Variants in ADGRL3 observed in about 807,000 individuals in gnomAD.
The protein encoded by ADGRL3 is calcium-independent alpha-latrotoxin receptor 3.
A neutral mutation model predicts 153.5 loss-of-function variants in ADGRL3; 62 were observed. That is an observed-to-expected ratio of 0.40 (90% CI 0.33 to 0.50). The LOEUF (loss-of-function observed/expected upper bound fraction) is 0.50. ADGRL3 is among the 20% of genes least tolerant of loss of function. The pLI, the probability that ADGRL3 is intolerant of heterozygous loss-of-function variation, is 0.47. For missense variants in ADGRL3, 1,641 were observed against 1,859.4 expected (o/e 0.88, Z 2.16); for synonymous variants, 710 against 672.5 (o/e 1.06, Z -0.86).
chr4:61,374,072 T>C (rs2096574037), intron 1 of ADGRL3, among the ~76,000 whole-genome samples: 1 of 152,180 alleles, frequency 6.6e-6, no homozygotes, highest in African/African-American at 2.4e-5. Flanking sequence ...TTATTATGAC[T>C]AGCTTGAATC....
intron 4 of ADGRL3, among the ~76,000 whole-genome samples, chr4:61,566,904 G>A (rs897595834): frequency 4.6e-5 from 7 of 151,918 alleles, no homozygotes; most frequent in Admixed American, 6.6e-5. Context: ...CTTATATAAC[G>A]TAGAATTACC....
chr4:61,229,633 T>G (rs1431722826), intron 1 of ADGRL3, among the ~76,000 whole-genome samples: 1 of 152,066 alleles, frequency 6.6e-6, no homozygotes, highest in African/African-American at 2.4e-5. Context: ...AGTCAAAACT[T>G]TAGGCTGGGC....
chr4:61,204,862 C>A (rs137968960), intron 1 of ADGRL3, among the ~76,000 whole-genome samples: 5 of 152,024 alleles, frequency 3.3e-5, no homozygotes, highest in African/African-American at 1.2e-4. Context: ...TTTTTGGTTG[C>A]TTGGTGTGAT....
intron 1 of ADGRL3, among the ~76,000 whole-genome samples, chr4:61,343,197 A>G (rs770882714): frequency 2.0e-5 from 3 of 152,214 alleles, no homozygotes; most frequent in Non-Finnish European, 2.9e-5. Flanking sequence ...GGACACAGCC[A>G]AACCATATTA....
At chr4:61,765,179 A>G (rs7665901) in intron 8 of ADGRL3, among the ~76,000 whole-genome samples, 89,110 of 151,480 alleles carry the variant, frequency 0.59, 28,505 homozygotes, top group African/African-American at 0.83. Context: ...AGTGTAAACC[A>G]GCAGTGTAAA....
chr4:61,658,369 A>T (rs532205705), intron 5 of ADGRL3, among the ~76,000 whole-genome samples: 1 of 152,222 alleles, frequency 6.6e-6, no homozygotes, highest in South Asian at 2.1e-4. Context: ...ATATTCTGTG[A>T]TTCCATATAA....
chr4:61,731,594 G>A (rs960408588), intron 7 of ADGRL3, among the ~76,000 whole-genome samples: 7 of 152,200 alleles, frequency 4.6e-5, no homozygotes, highest in African/African-American at 1.7e-4. Context: ...TGATAAAGGT[G>A]CCATGATCCA....
chr4:61,896,451 C>G (rs1379742544), intron 11 of ADGRL3, among the ~76,000 whole-genome samples: 1 of 152,112 alleles, frequency 6.6e-6, no homozygotes, highest in African/African-American at 2.4e-5. Flanking sequence ...GATTTATGCA[C>G]TCCTAAAATG....
At chr4:61,228,604 A>C (rs906903820) in intron 1 of ADGRL3, among the ~76,000 whole-genome samples, 1 of 152,168 alleles carries the variant, frequency 6.6e-6, no homozygotes, top group Admixed American at 6.5e-5. Flanking sequence ...GACAGATGAA[A>C]ATTTGGATTA....
intron 4 of ADGRL3, among the ~76,000 whole-genome samples, chr4:61,559,346 T>C (rs574102430): frequency 1.3e-5 from 2 of 152,274 alleles, no homozygotes; most frequent in East Asian, 3.9e-4. Context: ...TTCCATTTAA[T>C]TTTTGTGGAT....
intron 5 of ADGRL3, among the ~76,000 whole-genome samples, chr4:61,663,614 T>A (rs1415500187): frequency 6.6e-6 from 1 of 152,146 alleles, no homozygotes. Context: ...GTGGGAGGAA[T>A]GAGCCCAGCA....
chr4:61,244,300 G>A (rs558591786), intron 1 of ADGRL3, among the ~76,000 whole-genome samples: 54 of 151,900 alleles, frequency 3.6e-4, no homozygotes, highest in Non-Finnish European at 6.2e-4. Context: ...TTATAAAAAT[G>A]TTTCAATGAT....
At chr4:61,481,630 G>A (rs1203859150) in intron 2 of ADGRL3, among the ~76,000 whole-genome samples, 4 of 151,052 alleles carry the variant, frequency 2.6e-5, no homozygotes, top group South Asian at 2.1e-4. Context: ...TTTTTTTGTC[G>A]AGACCACATG....
chr4:61,621,260 A>G (rs2092490090), intron 5 of ADGRL3, among the ~76,000 whole-genome samples: 1 of 151,900 alleles, frequency 6.6e-6, no homozygotes, highest in South Asian at 2.1e-4. Flanking sequence ...AGTAACATTG[A>G]TGGATTGAGG....
At chr4:62,066,693 A>G (rs1176211762) in intron 25 of ADGRL3, among the ~76,000 whole-genome samples, 2 of 152,126 alleles carry the variant, frequency 1.3e-5, no homozygotes, top group Non-Finnish European at 2.9e-5. Flanking sequence ...GCTTTAAAGA[A>G]ACATAGTCCT....
intron 9 of ADGRL3, among the ~76,000 whole-genome samples, chr4:61,885,732 A>G (rs960979921): frequency 3.9e-5 from 6 of 152,204 alleles, no homozygotes; most frequent in Admixed American, 1.3e-4. Flanking sequence ...ATAGATTTTA[A>G]TAGACCTGGA....
At chr4:61,624,949 TA>T (rs2092746207) in intron 5 of ADGRL3, among the ~76,000 whole-genome samples, 1 of 152,162 alleles carries the variant, frequency 6.6e-6, no homozygotes, top group Non-Finnish European at 1.5e-5. Context: ...TATGCCTCAT[TA>T]ATGTCCTCAT....
chr4:61,723,640 T>A lies in ADGRL3; in HGVS notation c.584-6982T>A, dbSNP rs577348905. On this transcript the variant is annotated intron_variant, in intron 6 of 26. Transcript: ENST00000683033. Reference sequence around the variant, plus strand: ...AATGTACAGATGCAGGTCGCCATGATGTCTTGCACAGGTGGTGTTATCTAG... The same window carrying A: ...AATGTACAGATGCAGGTCGCCATGAAGTCTTGCACAGGTGGTGTTATCTAG... 7.9e-5 allele frequency among the ~76,000 whole-genome samples: 12 copies of A among 152,190 alleles called. No individual in the cohort carries two copies. The South Asian group carries it at 2.3e-3, about 29-fold the overall frequency.
intron 9 of ADGRL3, among the ~76,000 whole-genome samples, chr4:61,846,928 T>C (rs113539077): frequency 0.023 from 3,344 of 143,680 alleles, 121 homozygotes; most frequent in African/African-American, 0.083. Context: ...CACCAAGCCG[T>C]GAGGGATATT....
Sources: gnomAD v4.1 joint callset for allele counts (sites outside exome capture counted in the v4.1 genomes callset) on GRCh38, gnomAD v4.1.1 for gene constraint, MANE v1.5 for transcripts, NCBI Gene and HGNC (gene_info 2026-07-23, HGNC 2026-07-21) for gene names.